SEMA6D: variants seen among roughly 807,000 people sequenced by gnomAD.
SEMA6D encodes semaphorin-6D.
A neutral mutation model predicts 106.6 loss-of-function variants in SEMA6D; 35 were observed. That is an observed-to-expected ratio of 0.33 (90% CI 0.25 to 0.44). SEMA6D has a LOEUF of 0.44. SEMA6D is among the 20% of genes least tolerant of loss of function. The probability of loss-of-function intolerance (pLI) is 1.00; values close to 1 mark genes in which losing one functional copy is unlikely to be tolerated. For missense variants in SEMA6D, 1,185 were observed against 1,345.9 expected (o/e 0.88, Z 1.87); for synonymous variants, 499 against 487.7 (o/e 1.02, Z -0.31).
chr15:47,357,362 A>C (rs2010369), intron 1 of SEMA6D, among the ~76,000 whole-genome samples: 96,531 of 151,956 alleles, frequency 0.64, 31,721 homozygotes, highest in Non-Finnish European at 0.72. Context: ...AAATAAATAA[A>C]ATGGGACTGT....
chr15:47,691,052 A>G (rs903477135), intron 4 of SEMA6D, among the ~76,000 whole-genome samples: 6 of 152,154 alleles, frequency 3.9e-5, no homozygotes, highest in Non-Finnish European at 7.4e-5. Context: ...AAATGCGTTT[A>G]TGCATTTTTG....
intron 1 of SEMA6D, among the ~76,000 whole-genome samples, chr15:47,266,211 T>C (rs2034310635): frequency 6.6e-6 from 1 of 152,126 alleles, no homozygotes; most frequent in Admixed American, 6.6e-5. Flanking sequence ...AATTGTCTTT[T>C]TTTGCCAGTT....
In SEMA6D at chr15:47,747,857, T is replaced by C. The variant is rs552449451; in HGVS notation, c.-54-11888T>C. On this transcript the variant is annotated intron_variant, in intron 1 of 18. Coordinates refer to ENST00000536845, the MANE Select transcript of SEMA6D (RefSeq NM_001358351.3). Reference sequence around the variant, plus strand: ...AAAAGAATTTCCCATTGCAGAATTTTAGGCATAACCCAGCCATTAGGCAAG... The same window carrying C: ...AAAAGAATTTCCCATTGCAGAATTTCAGGCATAACCCAGCCATTAGGCAAG... Among the ~76,000 whole-genome samples the C allele has an allele frequency of 1.2e-3, 181 of 152,380 alleles. 2 individuals carry two copies. Among genetic ancestry groups the C allele is most frequent in the Admixed American group, 2.4e-3 (37 of 15,312 alleles).
intron 1 of SEMA6D, among the ~76,000 whole-genome samples, chr15:47,303,593 T>C (rs1235449820): frequency 3.3e-5 from 5 of 152,234 alleles, no homozygotes; most frequent in East Asian, 1.9e-4. Context: ...CATTAAAATA[T>C]ATGTTTTATA....
chr15:47,760,904 TA>T, intron 3 of SEMA6D, 73 bp from the exon 4 acceptor site: 3 of 1,345,298 alleles, frequency 2.2e-6, no homozygotes, highest in South Asian at 1.3e-5. Flanking sequence ...GGCAGATCTG[TA>T]AAAATAAAAA....
intron 1 of SEMA6D, among the ~76,000 whole-genome samples, chr15:47,346,760 T>TA (rs1294341102): frequency 2.6e-5 from 4 of 152,058 alleles, no homozygotes; most frequent in Non-Finnish European, 4.4e-5. Context: ...TTTTTATATA[T>TA]TTTTTTCTTA....
intron 2 of SEMA6D, among the ~76,000 whole-genome samples, chr15:47,429,688 G>A (rs3942975): frequency 6.6e-6 from 1 of 152,112 alleles, no homozygotes; most frequent in African/African-American, 2.4e-5. Context: ...GTGTGGTTAA[G>A]GCCACTGTGC....
chr15:47,756,335 CT>C (rs1026850172), intron 1 of SEMA6D, among the ~76,000 whole-genome samples: 41 of 145,790 alleles, frequency 2.8e-4, no homozygotes, highest in Middle Eastern at 3.6e-3. Context: ...ATGAACATTG[CT>C]TTTTTTTTTT....
intron 1 of SEMA6D, among the ~76,000 whole-genome samples, chr15:47,294,607 A>G (rs2035732689): frequency 6.6e-6 from 1 of 152,146 alleles, no homozygotes; most frequent in African/African-American, 2.4e-5. Flanking sequence ...CTTCCTCCTG[A>G]GGTAGGAAAA....
rs1320575462 is a variant in SEMA6D, at chr15:47,422,171, C to CCTGCCTGCCTGCCTGCCT, written c.-159+9699_-159+9700insCTGCCTGCCTGCCTGCCT. 1.2e-3 allele frequency among the ~76,000 whole-genome samples: 147 copies of CCTGCCTGCCTGCCTGCCT among 124,202 alleles called. 2 individuals are homozygous for CCTGCCTGCCTGCCTGCCT. The highest frequency in any genetic ancestry group is 4.0e-3 in the African/African-American group (140 of 34,586). 81.5% of individuals were successfully genotyped at this position (124,202 alleles called of 152,430 possible). On this transcript the variant is annotated intron_variant, in intron 2 of 19. Transcript: ENST00000558014. ...TTAACACTCTTATTTTTTGCCCGCC[C>CCTGCCTGCCTGCCTGCCT]GCCTGCCTGCCTTCCTTCCTTCCTT... is the stretch of plus-strand genomic sequence containing the variant.
At chr15:47,718,175 C>G (rs2079201680) in intron 1 of SEMA6D, among the ~76,000 whole-genome samples, 1 of 152,184 alleles carries the variant, frequency 6.6e-6, no homozygotes, top group African/African-American at 2.4e-5. Context: ...AGGAGCCAGC[C>G]GGGGAGAGCT....
chr15:47,305,114 A>G (rs1371852105), intron 1 of SEMA6D, among the ~76,000 whole-genome samples: 5 of 152,228 alleles, frequency 3.3e-5, no homozygotes, highest in South Asian at 2.1e-4. Flanking sequence ...CTCCAGATCA[A>G]CTAAATCAAA....
intron 4 of SEMA6D, among the ~76,000 whole-genome samples, chr15:47,682,878 C>T (rs1293765294): frequency 1.3e-5 from 2 of 152,110 alleles, no homozygotes; most frequent in Non-Finnish European, 2.9e-5. Context: ...CACACAAACA[C>T]CATTTGAGAG....
At chr15:47,354,193 CTCTCTCTATATATATATA>C (rs1156639743) in intron 1 of SEMA6D, among the ~76,000 whole-genome samples, 13 of 15,206 alleles carry the variant, frequency 8.5e-4, no homozygotes, top group Admixed American at 2.0e-3. Context: ...CTCTCTCTCT[CTCTCTCTATATATATATA>C]TATATATATA....
chr15:47,650,452 A>C (rs1173175385), intron 4 of SEMA6D, among the ~76,000 whole-genome samples: 1 of 152,236 alleles, frequency 6.6e-6, no homozygotes, highest in Non-Finnish European at 1.5e-5. Context: ...AAGATGCTCT[A>C]TATAAATACT....
intron 1 of SEMA6D, among the ~76,000 whole-genome samples, chr15:47,728,011 A>C (rs935557019): frequency 6.6e-6 from 1 of 152,238 alleles, no homozygotes; most frequent in Non-Finnish European, 1.5e-5. Context: ...TTTGGGTTGC[A>C]GTGAACAACC....
chr15:47,233,138 T>C (rs950493339), intron 1 of SEMA6D, among the ~76,000 whole-genome samples: 4 of 151,992 alleles, frequency 2.6e-5, no homozygotes, highest in African/African-American at 9.7e-5. Flanking sequence ...GAGTCTGGGG[T>C]CCAAATTCAA....
chr15:47,270,459 T>C (rs2034506580), intron 1 of SEMA6D, among the ~76,000 whole-genome samples: 1 of 151,282 alleles, frequency 6.6e-6, no homozygotes. Flanking sequence ...CTTTTCCTTC[T>C]TTTTTTTTCC....
intron 1 of SEMA6D, among the ~76,000 whole-genome samples, chr15:47,738,392 G>A (rs1208204916): frequency 6.6e-6 from 1 of 152,158 alleles, no homozygotes; most frequent in Non-Finnish European, 1.5e-5. Context: ...TCTTTATCCA[G>A]TGTACCATTG....
Sources: gnomAD v4.1 joint callset for allele counts (sites outside exome capture counted in the v4.1 genomes callset) on GRCh38, gnomAD v4.1.1 for gene constraint, MANE v1.5 for transcripts, NCBI Gene and HGNC (gene_info 2026-07-23, HGNC 2026-07-21) for gene names.